Variants in COL20A1 observed in about 807,000 individuals in gnomAD.
COL20A1 encodes collagen alpha-1(XX) chain.
COL20A1 carries 164 observed loss-of-function variants against 152.9 expected under a neutral mutation model. The ratio of observed to expected loss-of-function variants is 1.07; its 90% CI spans 0.94 to 1.22. The LOEUF (loss-of-function observed/expected upper bound fraction) is 1.22. Among genes scored for constraint, COL20A1 ranks in the 50% most tolerant of loss-of-function variants. The pLI is 0.00. For synonymous variants in COL20A1, 864 were observed against 756.0 expected, an observed-to-expected ratio of 1.14 and a Z score of -2.34; for missense variants, 1,873 against 1,744.8, an observed-to-expected ratio of 1.07 and a Z score of -1.31.
rs1467567215 is a variant in COL20A1 at position 63,331,653 on chromosome 20, G to C, written c.*937G>C. ...GGGCTTCTGGGCCTTGTGGCCCGTG[G>C]GGGTGATGTGGGAACTTCTACTTCC... On this transcript the variant is annotated 3_prime_UTR_variant, in exon 36 of 36. Coordinates refer to ENST00000358894, the MANE Select transcript of COL20A1 (RefSeq NM_020882.4). The C allele has an allele frequency of 2.0e-5, 3 of 152,230 alleles. No individual in the cohort carries two copies. The allele number at this position is 152,230 out of a possible 1,614,324, so 9.4% of individuals were successfully genotyped here.
chr20:63,293,545 G>T (rs556894600), intron 1 of COL20A1, among the ~76,000 whole-genome samples: 1 of 152,256 alleles, frequency 6.6e-6, no homozygotes, highest in African/African-American at 2.4e-5. Context: ...AACGAGGAGG[G>T]TGCACATCGA....
At chr20:63,294,935 G>T in intron 1 of COL20A1, 163 bp from the exon 2 acceptor site, 1 of 578,412 alleles carries the variant, frequency 1.7e-6, no homozygotes, top group Non-Finnish European at 3.1e-6. Flanking sequence ...GTATCCCCTA[G>T]ACAACAGGTT....
At chr20:63,322,642 G>A (rs1052909193) in intron 27 of COL20A1, among the ~76,000 whole-genome samples, 6 of 152,226 alleles carry the variant, frequency 3.9e-5, no homozygotes, top group African/African-American at 1.4e-4. Context: ...CCCAGCGATG[G>A]CAGCAGCCCC....
In COL20A1 at chr20:63,326,873, G is replaced by C. The variant is rs2068258016; in HGVS notation, c.3528+50G>C. ...AGCCAACCAAAGGTGGGGGAGCGAA[G>C]GGTGCAAGCCCCACATGCAACCACT... On this transcript the variant is annotated intron_variant, in intron 31 of 35. Transcript: ENST00000358894. 3 of 1,351,144 alleles carry C rather than the reference G, an allele frequency of 2.2e-6. No individual in the cohort carries two copies. The East Asian group carries it at 8.9e-5, about 40-fold the overall frequency. 83.7% of individuals were successfully genotyped at this position (1,351,144 alleles called of 1,614,324 possible).
intron 5 of COL20A1, among the ~76,000 whole-genome samples, chr20:63,307,231 G>A (rs773315520): frequency 3.2e-4 from 49 of 152,234 alleles, no homozygotes; most frequent in Non-Finnish European, 5.6e-4. Context: ...CCTGATGTCT[G>A]GGCGGGCAGC....
At chr20:63,298,601 G>T (rs1014375282) in intron 3 of COL20A1, among the ~76,000 whole-genome samples, 1 of 149,420 alleles carries the variant, frequency 6.7e-6, no homozygotes, top group Non-Finnish European at 1.5e-5. Flanking sequence ...ATTTTTTAAA[G>T]AAACGACTCC....
In COL20A1 at chr20:63,305,857, A is replaced by G. The variant is rs1384865758; in HGVS notation, c.338-24A>G. Reference sequence around the variant, plus strand: ...GACCAGGCCCTCCACTCCCACCCTGATGGCTCTTTGTGTCTCCCTGCAGTT... The same window carrying G: ...GACCAGGCCCTCCACTCCCACCCTGGTGGCTCTTTGTGTCTCCCTGCAGTT... On this transcript the variant is annotated intron_variant, in intron 4 of 35. Coordinates refer to ENST00000358894, the MANE Select transcript of COL20A1 (RefSeq NM_020882.4). This position sits in a 1 kb window ranked among gnomAD's most constrained non-coding sequence, Gnocchi z 4.9. 1 of 1,612,360 alleles carries G rather than the reference A, an allele frequency of 6.2e-7. No individual in the cohort carries two copies. Among genetic ancestry groups the G allele is most frequent in the East Asian group, 2.2e-5 (1 of 44,864 alleles).
chr20:63,298,199 T>C (rs754460548), intron 3 of COL20A1, among the ~76,000 whole-genome samples, 179 bp downstream of exon 3: 11 of 152,240 alleles, frequency 7.2e-5, no homozygotes, highest in Non-Finnish European at 1.5e-4. Flanking sequence ...ACATATGACA[T>C]GGAAGAGGGA....
rs556045564 is a variant in COL20A1 at position 63,311,157 on chromosome 20, C to T, written c.1394-237C>T. 2.0e-5 allele frequency among the ~76,000 whole-genome samples: 3 copies of T among 152,328 alleles called. No homozygotes were observed. The highest frequency in any genetic ancestry group is 4.1e-4 in the South Asian group (2 of 4,830). On this transcript the variant is annotated intron_variant, in intron 11 of 35. Coordinates refer to ENST00000358894, the MANE Select transcript of COL20A1 (RefSeq NM_020882.4). This position sits in a 1 kb window ranked among gnomAD's most constrained non-coding sequence, Gnocchi z 4.4. ...AGCCCTTTTCACCCCCCGGAGGCCA[C>T]ATTCCTCCCATGACCTCAAGGCAGA...
At chr20:63,309,258 T>G in intron 8 of COL20A1, 75 bp from the exon 9 acceptor site, 1 of 1,219,848 alleles carries the variant, frequency 8.2e-7, no homozygotes, top group Non-Finnish European at 1.1e-6. Flanking sequence ...CCAGTCTCCA[T>G]GGAGACCCCC....
At chr20:63,325,096 G>A in intron 27 of COL20A1, 1 of 427,418 alleles carries the variant, frequency 2.3e-6, no homozygotes, top group Non-Finnish European at 4.5e-6. Context: ...GACCCTCCCA[G>A]GGTGAGCAGT....
chr20:63,328,299 CTG>C (rs1395924478), intron 33 of COL20A1, 30 bp from the exon 34 acceptor site: 9 of 1,594,106 alleles, frequency 5.6e-6, no homozygotes, highest in African/African-American at 1.3e-5. Flanking sequence ...CGGGTCCCCA[CTG>C]TGTCCTGCTG....
intron 3 of COL20A1, among the ~76,000 whole-genome samples, chr20:63,302,018 ACAGG>A (rs1468269918): frequency 6.6e-6 from 1 of 152,192 alleles, no homozygotes; most frequent in Non-Finnish European, 1.5e-5. Flanking sequence ...AAATTTAAAC[ACAGG>A]CAAAAGAAGA....
chr20:63,319,586 G>T lies in COL20A1; in HGVS notation c.2906G>T (p.Ser969Ile). 1.3e-6 allele frequency: 2 copies of T among 1,577,102 alleles called. No homozygotes were observed. The highest frequency in any genetic ancestry group is 8.6e-7 in the Non-Finnish European group (1 of 1,161,800). Residue 969 changes from serine (S) to isoleucine (I), a missense_variant, in exon 23 of 36, where the codon AGC (serine) becomes ATC (isoleucine). Transcript: ENST00000358894. This position sits in a 1 kb window ranked among gnomAD's most constrained non-coding sequence, Gnocchi z 4.4. ...PQEVRKIFFG[S>I]FHKVHVAVGR... is the part of the protein sequence containing the mutation. ...GAAGTGAGGAAGATTTTCTTCGGGA[G>T]CTTCCACAAGGTCCTGGTGCAGCTC...
rs200258845 is a variant in COL20A1, at chr20:63,312,526, C to T, written c.1910C>T (p.Thr637Met). The change falls in exon 15 of 36, where the codon ACG becomes ATG. Residue 637 changes from threonine (T) to methionine (M), a missense_variant. Coordinates refer to ENST00000358894, the MANE Select transcript of COL20A1 (RefSeq NM_020882.4). Reference sequence around the variant, plus strand: ...CTCTACCCTGGGGGTGGCTCCTCTACGCTGACTGGCCGGGTGACCACCAGT... The same window carrying T: ...CTCTACCCTGGGGGTGGCTCCTCTATGCTGACTGGCCGGGTGACCACCAGT... ...TCLYPGGGSS[T>M]LTGRVTTKKA... 26 of 1,599,074 alleles carry T rather than the reference C, an allele frequency of 1.6e-5. No homozygotes were observed. The highest frequency in any genetic ancestry group is 1.4e-4 in the Admixed American group (8 of 58,192).
chr20:63,322,531 A>G (rs944323679), intron 27 of COL20A1, among the ~76,000 whole-genome samples: 2 of 152,018 alleles, frequency 1.3e-5, no homozygotes, highest in South Asian at 4.1e-4. Flanking sequence ...CCCACAGAGT[A>G]TTTTCAGATG....
rs777806142 is a variant in COL20A1, at chr20:63,311,788, G to C, written c.1663+40G>C. 1.9e-6 allele frequency: 3 copies of C among 1,555,830 alleles called. No individual in the cohort carries two copies. The highest frequency in any genetic ancestry group is 2.6e-6 in the Non-Finnish European group (3 of 1,157,280). On this transcript the variant is annotated intron_variant, in intron 13 of 35. Coordinates refer to ENST00000358894, the MANE Select transcript of COL20A1 (RefSeq NM_020882.4). The surrounding 1 kb of genome is among the most constrained non-coding windows in gnomAD (Gnocchi z 4.4). ...CCCGGCTGCCTGCCCACAGGCGGGTGCCCCATCTTGTTCCTCAGCCTTCCA... is the reference window on the plus strand; with the variant it reads ...CCCGGCTGCCTGCCCACAGGCGGGTCCCCCATCTTGTTCCTCAGCCTTCCA...
rs572142691 is a variant in COL20A1, at chr20:63,307,474, G to T, written c.497-16G>T. ...ATGGGCCTCACCTAGCACCTGACCCGCTCCCACCGCCCCAGCCGGCCCCCA... is the reference window on the plus strand; with the variant it reads ...ATGGGCCTCACCTAGCACCTGACCCTCTCCCACCGCCCCAGCCGGCCCCCA... On this transcript the variant is annotated splice_polypyrimidine_tract_variant and intron_variant, in intron 5 of 35. Coordinates refer to ENST00000358894, the MANE Select transcript of COL20A1 (RefSeq NM_020882.4). 2.5e-6 allele frequency: 4 copies of T among 1,606,628 alleles called. No individual in the cohort carries two copies. The highest frequency in any genetic ancestry group is 1.7e-5 in the Admixed American group (1 of 59,808).
rs559052804 is a variant in COL20A1, at chr20:63,303,417, C to T, written c.194-2000C>T. On this transcript the variant is annotated intron_variant, in intron 3 of 35. Transcript: ENST00000358894. ...CATTATTGTCATTGCTTGTTAATCACGTGTTTGTGCAGGAAGCCTTGGGAA... is the reference window on the plus strand; with the variant it reads ...CATTATTGTCATTGCTTGTTAATCATGTGTTTGTGCAGGAAGCCTTGGGAA... 4.6e-5 allele frequency among the ~76,000 whole-genome samples: 7 copies of T among 152,256 alleles called. No individual in the cohort carries two copies. The South Asian group carries it at 1.2e-3, about 27-fold the overall frequency.
Sources: allele counts gnomAD v4.1 joint callset (sites outside exome capture counted in the v4.1 genomes callset), GRCh38; gene constraint gnomAD v4.1.1; non-coding constraint Gnocchi (gnomAD v3.1); transcripts MANE v1.5; gene names NCBI Gene and HGNC (gene_info 2026-07-23, HGNC 2026-07-21).